The following ANK2 variants were observed in gnomAD, a reference collection of about 807,000 sequenced individuals.
The protein encoded by ANK2 is ankyrin 2.
A neutral mutation model predicts 360.5 loss-of-function variants in ANK2; 83 were observed. The observed-to-expected ratio is 0.23, with a 90% CI of 0.19 to 0.28. The LOEUF (loss-of-function observed/expected upper bound fraction) is 0.28. Among genes scored for constraint, ANK2 ranks in the 10% least tolerant of loss-of-function variants. The pLI is 1.00. For synonymous variants in ANK2, 1,740 were observed against 1,759.5 expected (o/e 0.99, Z 0.28); for missense variants, 4,201 against 4,795.7 (o/e 0.88, Z 3.66).
intron 2 of ANK2, among the ~76,000 whole-genome samples, chr4:112,992,418 A>T (rs1266267965): frequency 6.6e-6 from 1 of 152,212 alleles, no homozygotes; most frequent in African/African-American, 2.4e-5. Flanking sequence ...TGCTGGGATT[A>T]CAGGTGTGAG....
chr4:113,005,665 G>A (rs896400519), intron 2 of ANK2, among the ~76,000 whole-genome samples: 4 of 152,124 alleles, frequency 2.6e-5, no homozygotes, highest in African/African-American at 4.8e-5. Flanking sequence ...ACATTTTAAC[G>A]TTTGATAGTA....
intron 24 of ANK2, among the ~76,000 whole-genome samples, chr4:113,316,648 G>A (rs2083126842): frequency 6.6e-6 from 1 of 151,972 alleles, no homozygotes; most frequent in South Asian, 2.1e-4. Flanking sequence ...ATGGGCTTTG[G>A]GCTAATATTT....
At position 113,358,171 on chromosome 4, in the gene ANK2, G is replaced by A; in HGVS notation, c.9553G>A (p.Asp3185Asn). 1 of 1,614,038 alleles carries A rather than the reference G, an allele frequency of 6.2e-7. No homozygotes were observed. The highest frequency in any genetic ancestry group is 8.5e-7 in the Non-Finnish European group (1 of 1,179,946). ...VDDEADLLPD[D>N]VSEEVEEIPA... The stretch of plus-strand genomic sequence containing the variant: ...TGATGAGGCAGACTTACTTCCAGAT[G>A]ACGTGAGTGAGGAAGTAGAGGAAAT... Residue 3185 changes from aspartate (D) to asparagine (N), a missense_variant, in exon 38 of 46, where the codon GAC becomes AAC. By Grantham distance (23) the Asp-to-Asn change is conservative. Transcript: ENST00000357077.
chr4:112,782,664 T>G, the ANK2 span, among the ~76,000 whole-genome samples: 1 of 151,912 alleles, frequency 6.6e-6, no homozygotes, highest in Non-Finnish European at 1.5e-5. Context: ...GTCAGGAGTT[T>G]GAGATCAGTC....
chr4:113,134,205 T>C (rs939626120), intron 1 of ANK2, among the ~76,000 whole-genome samples: 1 of 151,362 alleles, frequency 6.6e-6, no homozygotes, highest in Non-Finnish European at 1.5e-5. Flanking sequence ...TGGCCCAAAG[T>C]ATCATATGAC....
intron 26 of ANK2, among the ~76,000 whole-genome samples, chr4:113,324,074 C>G (rs2088197387): frequency 6.6e-6 from 1 of 152,182 alleles, no homozygotes; most frequent in Admixed American, 6.6e-5. Context: ...ACATCTCCAG[C>G]TTCTTTTGTG....
chr4:112,924,277 A>G (rs947659670), intron 2 of ANK2, among the ~76,000 whole-genome samples: 3 of 151,960 alleles, frequency 2.0e-5, no homozygotes, highest in African/African-American at 7.3e-5. Context: ...GCTGAGGCAG[A>G]GAATTGCTTG....
chr4:113,317,789 G>C lies in ANK2; in HGVS notation c.2776G>C (p.Val926Leu), dbSNP rs2153836517. The C allele has an allele frequency of 6.2e-7, 1 of 1,613,916 alleles. No individual in the cohort carries two copies. The highest frequency in any genetic ancestry group is 1.1e-5 in the South Asian group (1 of 91,076). Reference sequence around the variant, plus strand: ...GGACAGTGCCGTGATGGATGACTCAGTTGTGATTCCCAGTCACCAGGTATG... The same window carrying C: ...GGACAGTGCCGTGATGGATGACTCACTTGTGATTCCCAGTCACCAGGTATG... ...LRDSAVMDDS[V>L]VIPSHQVSTL... is the part of the protein sequence containing the mutation. Residue 926 changes from valine (V) to leucine (L), a missense_variant, in exon 25 of 46, where the codon GTT becomes CTT. Around this residue, in one of 4 missense-constraint regions of ANK2, gnomAD observed 1,268 missense variants for 1,650.8 expected, o/e 0.77. Coordinates refer to ENST00000357077, the MANE Select transcript of ANK2 (RefSeq NM_001148.6).
Position 112,883,262 on chromosome 4 carries a change from C to T in ANK2, c.-39-21193C>T, listed in dbSNP as rs899611719. Among the ~76,000 whole-genome samples the T allele has an allele frequency of 3.3e-5, 5 of 151,714 alleles. No individual in the cohort carries two copies. The East Asian group carries it at 5.8e-4, about 18-fold the overall frequency. ...CCATGTTGGCCAGGCTGGTCTCGAA[C>T]GCCTGACCTCAAGTGATCCACCCAC... On this transcript the variant is annotated intron_variant, in intron 1 of 30. Transcript: ENST00000503271.
intron 2 of ANK2, among the ~76,000 whole-genome samples, chr4:113,189,828 G>A (rs1339329582): frequency 6.6e-6 from 1 of 152,038 alleles, no homozygotes; most frequent in Non-Finnish European, 1.5e-5. Context: ...TCCTTCCCCT[G>A]CTTGCCAACC....
chr4:113,278,346 C>G, intron 16 of ANK2, 114 bp from the exon 17 acceptor site: 2 of 849,466 alleles, frequency 2.4e-6, no homozygotes, highest in Non-Finnish European at 3.9e-6. Context: ...TTTCTATTGA[C>G]TATATTAATT....
chr4:112,712,930 G>A, the ANK2 span, among the ~76,000 whole-genome samples: 1 of 152,032 alleles, frequency 6.6e-6, no homozygotes, highest in African/African-American at 2.4e-5. Context: ...TAAGAGTCGT[G>A]TAACCATCAC....
At chr4:112,996,864 C>G (rs374139015) in intron 2 of ANK2, among the ~76,000 whole-genome samples, 2 of 152,034 alleles carry the variant, frequency 1.3e-5, no homozygotes, top group East Asian at 3.9e-4. Context: ...AATTTTTGTA[C>G]GCATTAACTG....
chr4:112,784,584 C>T, the ANK2 span, among the ~76,000 whole-genome samples: 33 of 151,978 alleles, frequency 2.2e-4, no homozygotes, highest in South Asian at 6.7e-3. Flanking sequence ...ACCTCATGAT[C>T]CGCCCGCCTC....
At chr4:112,732,302 T>C in the ANK2 span, among the ~76,000 whole-genome samples, 1 of 148,774 alleles carries the variant, frequency 6.7e-6, no homozygotes, top group Non-Finnish European at 1.5e-5. Context: ...CAGGCTGGAG[T>C]GCAGTGGCAT....
the ANK2 span, among the ~76,000 whole-genome samples, chr4:112,806,375 C>T: frequency 2.0e-5 from 3 of 152,322 alleles, no homozygotes; most frequent in Middle Eastern, 0.01. Flanking sequence ...TTGCAAATGA[C>T]AGCATTTCAT....
intron 19 of ANK2, among the ~76,000 whole-genome samples, chr4:113,287,925 A>G (rs1206912661): frequency 3.9e-5 from 6 of 152,228 alleles, no homozygotes; most frequent in Non-Finnish European, 8.8e-5. Flanking sequence ...CTTTGCAGGA[A>G]GACTCCAATT....
At chr4:113,024,771 C>A (rs1025729106) in intron 2 of ANK2, among the ~76,000 whole-genome samples, 1 of 152,164 alleles carries the variant, frequency 6.6e-6, no homozygotes, top group Admixed American at 6.5e-5. Flanking sequence ...GAAGATAACA[C>A]AATTTAGGTT....
intron 1 of ANK2, among the ~76,000 whole-genome samples, chr4:113,099,226 A>G (rs1047323939): frequency 1.3e-5 from 2 of 151,150 alleles, no homozygotes; most frequent in African/African-American, 4.9e-5. Flanking sequence ...TTGTTCACAG[A>G]TGGCATAATT....
Sources: allele counts gnomAD v4.1 joint callset (sites outside exome capture counted in the v4.1 genomes callset), GRCh38; gene constraint gnomAD v4.1.1; regional missense constraint gnomAD v4.1.1; transcripts MANE v1.5; gene names NCBI Gene and HGNC (gene_info 2026-07-23, HGNC 2026-07-21).